Variants in EVI5 observed in about 807,000 individuals in gnomAD.
EVI5 encodes ecotropic viral integration site 5 protein homolog.
A neutral mutation model predicts 112.0 loss-of-function variants in EVI5; 73 were observed. The observed-to-expected ratio is 0.65, with a 90% CI of 0.54 to 0.79. The LOEUF (loss-of-function observed/expected upper bound fraction) is 0.79, where lower values mean the gene tolerates loss of function less well. Ranked by LOEUF, EVI5 falls within the 30% of genes least tolerant of loss-of-function variation. The pLI is 0.00. For missense variants in EVI5, 900 were observed against 968.8 expected, an observed-to-expected ratio of 0.93 and a Z score of 0.94; for synonymous variants, 305 against 319.9, an observed-to-expected ratio of 0.95 and a Z score of 0.50.
rs190899646 is a variant in EVI5, at chr1:92,686,997, T to A, written c.1097+6805A>T. Among the ~76,000 whole-genome samples the A allele has an allele frequency of 2.6e-5, 4 of 152,226 alleles. No individual in the cohort carries two copies. In the East Asian group the frequency reaches 7.7e-4, roughly 29 times the overall value. On this transcript the variant is annotated intron_variant, in intron 9 of 19. Transcript: ENST00000684568. ...ATTTATAGATTAAATGCCATCCCCA[T>A]CAAGCTACCACTGGTTTTCTTCACA...
At chr1:92,735,717 T>C (rs1016663627) in intron 2 of EVI5, among the ~76,000 whole-genome samples, 2 of 141,690 alleles carry the variant, frequency 1.4e-5, no homozygotes, top group Middle Eastern at 3.6e-3. Flanking sequence ...CAATATTATA[T>C]TATATATAAT....
At chr1:92,734,853 AAAG>A (rs1677081065) in intron 2 of EVI5, among the ~76,000 whole-genome samples, 1 of 152,192 alleles carries the variant, frequency 6.6e-6, no homozygotes, top group South Asian at 2.1e-4. Context: ...TTTAAAAATC[AAAG>A]AATATATACA....
chr1:92,520,641 A>G (rs1179994202), intron 19 of EVI5, among the ~76,000 whole-genome samples: 1 of 152,026 alleles, frequency 6.6e-6, no homozygotes, highest in Non-Finnish European at 1.5e-5. Flanking sequence ...ACTTGAGCCT[A>G]GGAGTATGAG....
intron 18 of EVI5, among the ~76,000 whole-genome samples, chr1:92,570,271 T>A (rs537070779): frequency 6.6e-6 from 1 of 152,306 alleles, no homozygotes; most frequent in Non-Finnish European, 1.5e-5. Context: ...CCCATTTGGA[T>A]ACATATGCTC....
chr1:92,730,433 C>G (rs1396266664), intron 2 of EVI5, among the ~76,000 whole-genome samples: 1 of 152,006 alleles, frequency 6.6e-6, no homozygotes, highest in African/African-American at 2.4e-5. Context: ...CGCCTGTAAT[C>G]CCAGCACTTT....
Position 92,605,360 on chromosome 1 carries a change from T to C in EVI5, c.2017A>G (p.Ser673Gly). Reference protein sequence around the residue: ...VMAVRLREADSIAAVAELRQH... With the variant: ...VMAVRLREADGIAAVAELRQH... ...CGTAGTTCAGCCACAGCAGCTATGC[T>C]ATCTGCTTCCCGAAGCCTCACAGCC... The change falls in exon 18 of 20, where the codon AGC becomes GGC. Residue 673 changes from serine (S) to glycine (G), a missense_variant. Coordinates refer to ENST00000684568, the MANE Select transcript of EVI5 (RefSeq NM_001350197.2). The C allele has an allele frequency of 1.2e-6, 2 of 1,613,816 alleles. No homozygotes were observed. Among genetic ancestry groups the C allele is most frequent in the Non-Finnish European group, 1.7e-6 (2 of 1,179,748 alleles).
At chr1:92,784,728 G>T (rs934737520) in intron 1 of EVI5, 108 bp downstream of exon 1, 3 of 816,118 alleles carry the variant, frequency 3.7e-6, no homozygotes, top group Non-Finnish European at 4.4e-6. Flanking sequence ...AGCAAAACTT[G>T]CGGCGGCCCC....
At chr1:92,680,994 G>A (rs191183219) in intron 9 of EVI5, among the ~76,000 whole-genome samples, 2 of 152,242 alleles carry the variant, frequency 1.3e-5, no homozygotes, top group Admixed American at 6.5e-5. Flanking sequence ...ACGGAGGGTG[G>A]GGGAGATAGT....
chr1:92,771,975 C>T (rs1225244368), intron 1 of EVI5, among the ~76,000 whole-genome samples: 5 of 152,038 alleles, frequency 3.3e-5, no homozygotes, highest in Admixed American at 2.0e-4. Context: ...CTGCCTCACC[C>T]TCCTGAGTAA....
At chr1:92,638,554 C>T (rs1342661077) in intron 13 of EVI5, among the ~76,000 whole-genome samples, 1 of 152,072 alleles carries the variant, frequency 6.6e-6, no homozygotes, top group African/African-American at 2.4e-5. Context: ...TCAATTTATT[C>T]TATTTTCCAC....
At chr1:92,676,988 G>A (rs1666850952) in intron 10 of EVI5, among the ~76,000 whole-genome samples, 170 bp downstream of exon 10, 1 of 152,170 alleles carries the variant, frequency 6.6e-6, no homozygotes, top group South Asian at 2.1e-4. Flanking sequence ...ATACTGGAAT[G>A]AAAGCCACTT....
rs560302336 is a variant in EVI5, at chr1:92,721,469, T to G, written c.149+14929A>C. On this transcript the variant is annotated intron_variant, in intron 2 of 19. Coordinates refer to ENST00000684568, the MANE Select transcript of EVI5 (RefSeq NM_001350197.2). ...GTATGTTCTCACTCATAGGTGGGAA[T>G]TGAACAATGAAAACACTTGGACACA... Among the ~76,000 whole-genome samples the G allele has an allele frequency of 3.3e-5, 5 of 152,134 alleles. No individual in the cohort carries two copies. The East Asian group carries it at 7.7e-4, about 24-fold the overall frequency.
In EVI5 at chr1:92,683,845, G is replaced by A. The variant is rs148149977; in HGVS notation, c.1098-6627C>T. On this transcript the variant is annotated intron_variant, in intron 9 of 19. Transcript: ENST00000684568. ...ATGAAATAAAACGAAAAGACAAGAT[G>A]AGAGAAAAAAAGAGTGAAAAGAAAT... is the stretch of plus-strand genomic sequence containing the variant. 1.1e-3 allele frequency among the ~76,000 whole-genome samples: 166 copies of A among 151,962 alleles called. No individual in the cohort carries two copies. In the South Asian group the frequency reaches 0.011, roughly 10 times the overall value.
intron 19 of EVI5, among the ~76,000 whole-genome samples, chr1:92,561,613 C>T (rs879348605): frequency 3.9e-5 from 1 of 25,718 alleles, no homozygotes; most frequent in Non-Finnish European, 8.4e-5. Flanking sequence ...TCTATCCTAT[C>T]TATCTATCTA....
intron 19 of EVI5, among the ~76,000 whole-genome samples, chr1:92,534,337 T>C (rs1162955388): frequency 6.6e-6 from 1 of 152,188 alleles, no homozygotes; most frequent in African/African-American, 2.4e-5. Context: ...ATCAATATTG[T>C]GACAATGGCC....
At chr1:92,716,553 C>A (rs531362064) in intron 2 of EVI5, among the ~76,000 whole-genome samples, 1 of 152,210 alleles carries the variant, frequency 6.6e-6, no homozygotes, top group African/African-American at 2.4e-5. Flanking sequence ...AAAACCAGAG[C>A]GCCTCTTTCC....
chr1:92,735,708 AATATT>A (rs1170207134), intron 2 of EVI5, among the ~76,000 whole-genome samples: 14 of 142,600 alleles, frequency 9.8e-5, no homozygotes, highest in African/African-American at 2.6e-4. Flanking sequence ...TGAAATATAC[AATATT>A]ATATTATATA....
chr1:92,790,723 G>A lies in EVI5; in HGVS notation c.51+1621C>T, dbSNP rs558160478. ...AGTCCCAGCAACTAGGGAGGCTAAG[G>A]TGGGAAGATCACTTGAGCCCAGGAG... is the stretch of plus-strand genomic sequence containing the variant. On this transcript the variant is annotated intron_variant, in intron 1 of 17. Transcript: ENST00000370331. 2.6e-5 allele frequency among the ~76,000 whole-genome samples: 4 copies of A among 151,940 alleles called. No homozygotes were observed. The South Asian group carries it at 8.3e-4, about 32-fold the overall frequency.
At chr1:92,791,370 T>G (rs774102700) in intron 1 of EVI5, among the ~76,000 whole-genome samples, 15 of 152,176 alleles carry the variant, frequency 9.9e-5, no homozygotes, top group Non-Finnish European at 1.8e-4. Flanking sequence ...TCCAATCTTC[T>G]CATTCATAAA....
Sources: allele counts gnomAD v4.1 joint callset (sites outside exome capture counted in the v4.1 genomes callset), GRCh38; gene constraint gnomAD v4.1.1; transcripts MANE v1.5; gene names NCBI Gene and HGNC (gene_info 2026-07-23, HGNC 2026-07-21).